Variants in SEMA3A observed in about 807,000 individuals in gnomAD.
The protein encoded by SEMA3A is semaphorin 3A.
A neutral mutation model predicts 97.9 loss-of-function variants in SEMA3A; 29 were observed. The ratio of observed to expected loss-of-function variants is 0.30; its 90% confidence interval spans 0.22 to 0.40. The LOEUF is 0.40. Ranked by LOEUF, SEMA3A falls within the 10% of genes least tolerant of loss-of-function variation. The pLI is 1.00. For missense variants in SEMA3A, 763 were observed against 951.3 expected, an observed-to-expected ratio of 0.80 and a Z score of 2.60; for synonymous variants, 321 against 323.7, an observed-to-expected ratio of 0.99 and a Z score of 0.09.
At position 84,388,403 on chromosome 7, in the gene SEMA3A, C is replaced by T. The variant is rs370247603; in HGVS notation, c.-245-16503G>A. On this transcript the variant is annotated intron_variant, in intron 1 of 3. Coordinates refer to the SEMA3A transcript ENST00000424555. ...TAGGTTAATTCCTCCTGAATGCATACCGTTTTAAAGCACATGTTCTGTCAT... is the reference window on the plus strand; with the variant it reads ...TAGGTTAATTCCTCCTGAATGCATATCGTTTTAAAGCACATGTTCTGTCAT... Among the ~76,000 whole-genome samples, 10 of 151,986 alleles carry T rather than the reference C, an allele frequency of 6.6e-5. 2 individuals carry two copies. Among genetic ancestry groups the T allele is most frequent in the Admixed American group, 6.6e-5 (1 of 15,256 alleles).
intron 1 of SEMA3A, among the ~76,000 whole-genome samples, chr7:84,391,751 T>C (rs537535166): frequency 2.0e-5 from 3 of 151,996 alleles, no homozygotes; most frequent in African/African-American, 7.2e-5. Context: ...GTGGGAAGAT[T>C]GCTGAGTCCA....
At chr7:84,197,358 T>C (rs1026483872), upstream of SEMA3A, among the ~76,000 whole-genome samples, 13 of 152,168 alleles carry the variant, frequency 8.5e-5, no homozygotes, top group African/African-American at 3.1e-4. Flanking sequence ...AATAGTATAT[T>C]CTTCAGGCAA....
At chr7:84,403,294 C>T (rs1196648911) in intron 1 of SEMA3A, among the ~76,000 whole-genome samples, 2 of 152,202 alleles carry the variant, frequency 1.3e-5, no homozygotes, top group Non-Finnish European at 2.9e-5. Context: ...AAGCCTCGCT[C>T]ATTGCTAGCA....
intron 5 of SEMA3A, among the ~76,000 whole-genome samples, chr7:84,058,332 C>A (rs1208348661): frequency 1.3e-5 from 2 of 152,016 alleles, no homozygotes; most frequent in African/African-American, 2.4e-5. Context: ...CAGCTGTTAC[C>A]CTTGTATGTA....
At chr7:84,308,476 G>A (rs560160385) in intron 2 of SEMA3A, among the ~76,000 whole-genome samples, 1 of 152,248 alleles carries the variant, frequency 6.6e-6, no homozygotes, top group East Asian at 1.9e-4. Flanking sequence ...AGTTCTTTGT[G>A]GGAGAGGAGT....
intron 2 of SEMA3A, among the ~76,000 whole-genome samples, chr7:84,130,698 G>A (rs1301169787): frequency 6.6e-6 from 1 of 152,042 alleles, no homozygotes; most frequent in African/African-American, 2.4e-5. Flanking sequence ...CATTGGAGAT[G>A]GAAAGGCAAG....
chr7:84,074,660 T>A lies in SEMA3A; in HGVS notation c.454-14102A>T, dbSNP rs944424793. 3.3e-5 allele frequency among the ~76,000 whole-genome samples: 5 copies of A among 152,186 alleles called. 1 individual carries two copies. Among genetic ancestry groups the A allele is most frequent in the African/African-American group, 1.2e-4 (5 of 41,566 alleles). On this transcript the variant is annotated intron_variant, in intron 4 of 16. Coordinates refer to ENST00000265362, the MANE Select transcript of SEMA3A (RefSeq NM_006080.3). Reference sequence around the variant, plus strand: ...ACCTATAAGGAAATTTAGGTCTGAGTATATTAACTTCTTTATATAAATTAA... The same window carrying A: ...ACCTATAAGGAAATTTAGGTCTGAGAATATTAACTTCTTTATATAAATTAA...
chr7:84,084,869 A>T (rs910095290), intron 4 of SEMA3A, among the ~76,000 whole-genome samples: 4 of 152,094 alleles, frequency 2.6e-5, no homozygotes, highest in Non-Finnish European at 5.9e-5. Context: ...TGTATTGGAA[A>T]GCTAGCTCTT....
At chr7:84,151,268 G>C (rs1796659346) in intron 1 of SEMA3A, among the ~76,000 whole-genome samples, 2 of 152,080 alleles carry the variant, frequency 1.3e-5, no homozygotes, top group African/African-American at 4.8e-5. Context: ...GAGAGAAGAA[G>C]GCTTCAGACG....
chr7:84,129,086 C>T, intron 3 of SEMA3A, 37 bp downstream of exon 3: 1 of 1,496,096 alleles, frequency 6.7e-7, no homozygotes. Context: ...ATGAAGGATA[C>T]TCAACCTGTA....
intron 1 of SEMA3A, among the ~76,000 whole-genome samples, chr7:84,190,100 A>G (rs1797996380): frequency 6.6e-6 from 1 of 151,748 alleles, no homozygotes; most frequent in Non-Finnish European, 1.5e-5. Flanking sequence ...TTAGAGGCTT[A>G]CATGAATTTG....
chr7:84,327,989 T>A (rs1801810087), intron 2 of SEMA3A, among the ~76,000 whole-genome samples: 1 of 152,030 alleles, frequency 6.6e-6, no homozygotes, highest in Non-Finnish European at 1.5e-5. Context: ...TAATTTATAG[T>A]AGTTCTAACT....
chr7:84,174,625 A>T (rs1252400899), intron 1 of SEMA3A, among the ~76,000 whole-genome samples: 1 of 152,228 alleles, frequency 6.6e-6, no homozygotes, highest in Admixed American at 6.5e-5. Flanking sequence ...ATGTAATGGT[A>T]TATGATTATG....
intron 3 of SEMA3A, among the ~76,000 whole-genome samples, chr7:84,253,551 TG>T (rs1450895324): frequency 6.6e-6 from 1 of 152,192 alleles, no homozygotes; most frequent in South Asian, 2.1e-4. Flanking sequence ...GGATGCATAA[TG>T]TATGTATTCC....
At chr7:84,236,304 G>T (rs916547560) in intron 3 of SEMA3A, among the ~76,000 whole-genome samples, 5 of 152,024 alleles carry the variant, frequency 3.3e-5, no homozygotes, top group Non-Finnish European at 5.9e-5. Context: ...TTCAGATGAG[G>T]TGTTATTTCC....
chr7:84,420,627 T>C (rs1219147670), intron 1 of SEMA3A, among the ~76,000 whole-genome samples: 1 of 152,042 alleles, frequency 6.6e-6, no homozygotes, highest in Non-Finnish European at 1.5e-5. Context: ...TTCAAGAGGC[T>C]CAACAAATTC....
At chr7:83,989,821 G>C (rs1490714010) in intron 12 of SEMA3A, among the ~76,000 whole-genome samples, 1 of 149,906 alleles carries the variant, frequency 6.7e-6, no homozygotes, top group Non-Finnish European at 1.5e-5. Context: ...ATAGTCCTTT[G>C]GGTATATACC....
chr7:84,153,844 T>G (rs938897536), intron 1 of SEMA3A, among the ~76,000 whole-genome samples: 10 of 152,092 alleles, frequency 6.6e-5, no homozygotes, highest in African/African-American at 2.4e-4. Flanking sequence ...ATATTTCCTA[T>G]TTACATAACA....
At chr7:84,090,070 G>A (rs2115842469) in intron 4 of SEMA3A, among the ~76,000 whole-genome samples, 1 of 152,100 alleles carries the variant, frequency 6.6e-6, no homozygotes, top group Non-Finnish European at 1.5e-5. Flanking sequence ...TAAAGATTTT[G>A]AAGTTTAATC....
Sources: allele counts gnomAD v4.1 joint callset (sites outside exome capture counted in the v4.1 genomes callset), GRCh38; gene constraint gnomAD v4.1.1; transcripts MANE v1.5; gene names NCBI Gene and HGNC (gene_info 2026-07-23, HGNC 2026-07-21).